DYSF: variants seen among roughly 807,000 people sequenced by gnomAD.
DYSF encodes dysferlin.
DYSF carries 212 observed loss-of-function variants against 274.9 expected under a neutral mutation model. That is an observed-to-expected ratio of 0.77 (90% CI 0.69 to 0.86). DYSF has a LOEUF of 0.86. DYSF is among the 40% of genes least tolerant of loss of function. DYSF has a pLI of 0.00. For synonymous variants in DYSF, 1,091 were observed against 1,078.7 expected, an observed-to-expected ratio of 1.01 and a Z score of -0.22; for missense variants, 2,666 against 2,783.2, an observed-to-expected ratio of 0.96 and a Z score of 0.95.
At chr2:71,657,584 G>T (rs2094797558) in intron 43 of DYSF, among the ~76,000 whole-genome samples, 1 of 152,230 alleles carries the variant, frequency 6.6e-6, no homozygotes, top group African/African-American at 2.4e-5. Context: ...GGGCATCCAG[G>T]TGTTTCCATA....
At chr2:71,651,284 A>G (rs761662335) in intron 42 of DYSF, among the ~76,000 whole-genome samples, 1 of 152,184 alleles carries the variant, frequency 6.6e-6, no homozygotes, top group Non-Finnish European at 1.5e-5. Context: ...ACTAAAATAG[A>G]TAACTCTTCA....
chr2:71,613,428 C>T lies in DYSF; in HGVS notation c.4464+18C>T, dbSNP rs1346300032. ...CCATCCAGGTAGGATGGGCATCCTC[C>T]AGGGAGGCCTGGGTCACCTTTCCCC... On this transcript the variant is annotated intron_variant, in intron 40 of 55. Coordinates refer to ENST00000410020, the MANE Select transcript of DYSF (RefSeq NM_001130987.2). 1.9e-6 allele frequency: 3 copies of T among 1,606,456 alleles called. No homozygotes were observed. The highest frequency in any genetic ancestry group is 1.6e-4 in the Middle Eastern group (1 of 6,074).
intron 22 of DYSF, 95 bp from the exon 23 acceptor site, chr2:71,561,657 G>C: frequency 6.9e-7 from 1 of 1,453,692 alleles, no homozygotes; most frequent in Non-Finnish European, 9.6e-7. Flanking sequence ...GGCGGAGGGG[G>C]TGGGGCCTGC....
chr2:71,603,857 A>G (rs1233222356), intron 36 of DYSF, among the ~76,000 whole-genome samples: 1 of 152,210 alleles, frequency 6.6e-6, no homozygotes, highest in Non-Finnish European at 1.5e-5. Context: ...GTTATTAAAA[A>G]AAAAGTTAAA....
chr2:71,631,176 G>A (rs1003960750), intron 41 of DYSF, among the ~76,000 whole-genome samples: 8 of 152,168 alleles, frequency 5.3e-5, no homozygotes, highest in Non-Finnish European at 8.8e-5. Flanking sequence ...AAGTGAGGAA[G>A]CATTTTCAGA....
At chr2:71,528,885 C>T (rs569550585) in intron 14 of DYSF, among the ~76,000 whole-genome samples, 2 of 152,292 alleles carry the variant, frequency 1.3e-5, no homozygotes, top group East Asian at 1.9e-4. Context: ...GACTGTGGCT[C>T]CAGTCCCTGC....
At chr2:71,519,197 C>T (rs752801201) in intron 10 of DYSF, among the ~76,000 whole-genome samples, 1 of 150,484 alleles carries the variant, frequency 6.6e-6, no homozygotes, top group Admixed American at 6.6e-5. Context: ...CAAATCATTG[C>T]CTGTGGGAAG....
chr2:71,513,807 C>T lies in DYSF; in HGVS notation c.645C>T (p.Pro215=). The stretch of plus-strand genomic sequence containing the variant: ...ATCAAAGCGGAGGCCCGGGGGCTCC[C>T]ACCACCCCAAGGAAACTACCTTCAC... ...FLDQSGGPGA[P]TTPRKLPSRP... The change falls in exon 7 of 56, where the codon CCC becomes CCT. Residue 215 remains proline, a synonymous_variant. Transcript: ENST00000410020. The T allele has an allele frequency of 6.2e-7, 1 of 1,614,172 alleles. No homozygotes were observed. The highest frequency in any genetic ancestry group is 8.5e-7 in the Non-Finnish European group (1 of 1,180,020).
intron 22 of DYSF, 24 bp downstream of exon 22, chr2:71,556,095 G>A: frequency 6.5e-7 from 1 of 1,537,078 alleles, no homozygotes; most frequent in Non-Finnish European, 8.8e-7. Context: ...GGCGCCCCTG[G>A]TGCCCACCTC....
intron 14 of DYSF, among the ~76,000 whole-genome samples, chr2:71,530,983 AGTGTGGGAGAGT>A (rs1224487638): frequency 6.6e-6 from 1 of 152,026 alleles, no homozygotes; most frequent in Non-Finnish European, 1.5e-5. Context: ...AGAAGATAGG[AGTGTGGGAGAGT>A]GTGTGCGACT....
chr2:71,667,659 G>A (rs1311776032), intron 48 of DYSF, 144 bp downstream of exon 48: 11 of 1,341,938 alleles, frequency 8.2e-6, no homozygotes, highest in Non-Finnish European at 1.1e-5. Context: ...CAGTCTGAGT[G>A]CGGCCATGGT....
At chr2:71,656,104 CTGT>C in intron 42 of DYSF, 55 bp from the exon 43 acceptor site, 1 of 1,603,796 alleles carries the variant, frequency 6.2e-7, no homozygotes, top group Non-Finnish European at 8.5e-7. Flanking sequence ...CTTTCCTTTG[CTGT>C]TGTTCTACTT....
chr2:71,471,707 C>T (rs1487078271), intron 1 of DYSF, among the ~76,000 whole-genome samples: 3 of 152,126 alleles, frequency 2.0e-5, no homozygotes, highest in Admixed American at 6.5e-5. Context: ...TGGTGGCTCA[C>T]GCCTGTAATC....
chr2:71,458,600 G>T (rs2081164789), intron 1 of DYSF, among the ~76,000 whole-genome samples: 1 of 152,186 alleles, frequency 6.6e-6, no homozygotes, highest in Admixed American at 6.5e-5. Flanking sequence ...TTCCTCTGGT[G>T]ACTCACTAGC....
intron 42 of DYSF, among the ~76,000 whole-genome samples, chr2:71,644,446 A>G (rs1027990049): frequency 3.3e-5 from 5 of 152,182 alleles, no homozygotes; most frequent in African/African-American, 9.7e-5. Context: ...AAGCTTGGAG[A>G]TGGGTACGCA....
At chr2:71,686,313 A>G in intron 55 of DYSF, 141 bp from the exon 56 acceptor site, 1 of 1,031,408 alleles carries the variant, frequency 9.7e-7, no homozygotes. Context: ...AGGTGGTTGA[A>G]GAGCCACGAG....
intron 20 of DYSF, 55 bp from the exon 21 acceptor site, chr2:71,553,752 A>AAAC (rs2152792194): frequency 2.8e-4 from 74 of 267,798 alleles, no homozygotes; most frequent in Non-Finnish European, 4.1e-4. Context: ...TTAGCACCCC[A>AAAC]TCCCACCCGC....
chr2:71,513,583 G>A (rs1004707134), intron 6 of DYSF, 133 bp from the exon 7 acceptor site: 1 of 948,160 alleles, frequency 1.1e-6, no homozygotes, highest in Non-Finnish European at 1.6e-6. Context: ...GGGGAGGGAG[G>A]AGGGAGAGGA....
chr2:71,547,231 C>T (rs771638926), intron 17 of DYSF, among the ~76,000 whole-genome samples: 9 of 152,342 alleles, frequency 5.9e-5, no homozygotes, highest in South Asian at 2.1e-4. Flanking sequence ...CCAGAGACTG[C>T]GATCCGCCCC....
Sources: gnomAD v4.1 joint callset for allele counts (sites outside exome capture counted in the v4.1 genomes callset) on GRCh38, gnomAD v4.1.1 for gene constraint, MANE v1.5 for transcripts, NCBI Gene and HGNC (gene_info 2026-07-23, HGNC 2026-07-21) for gene names.